OTUB1: variants seen among roughly 807,000 people sequenced by gnomAD.
OTUB1 encodes the protein OTU deubiquitinase, ubiquitin aldehyde binding 1.
A neutral mutation model predicts 35.8 loss-of-function variants in OTUB1; 10 were observed. That is an observed-to-expected ratio of 0.28 (90% CI 0.17 to 0.47). The LOEUF (loss-of-function observed/expected upper bound fraction) is 0.47. Among genes scored for constraint, OTUB1 ranks in the 20% least tolerant of loss-of-function variants. The pLI, the probability that OTUB1 is intolerant of heterozygous loss-of-function variation, is 0.99. For missense variants in OTUB1, 264 were observed against 351.6 expected (o/e 0.75, Z 1.99); for synonymous variants, 158 against 143.8 (o/e 1.10, Z -0.71).
chr11:63,988,695 C>T lies in OTUB1; in HGVS notation c.162C>T (p.Leu54=), dbSNP rs1942642765. 3 of 1,613,300 alleles carry T rather than the reference C, an allele frequency of 1.9e-6. No individual in the cohort carries two copies. The highest frequency in any genetic ancestry group is 1.7e-5 in the Admixed American group (1 of 59,990). ...CTCTGGTGTCAGAGCGGCTGGAGCT[C>T]TCGGTCCTATACAAGGAGTATGCTG... ...QNPLVSERLE[L]SVLYKEYAED... Residue 54 remains leucine, a synonymous_variant, in exon 3 of 7, where the codon CTC becomes CTT. Transcript: ENST00000538426.
At position 63,988,257 on chromosome 11, in the gene OTUB1, T is replaced by TGCTCTTGTCCCTGGCCC. The variant is rs1942638703; in HGVS notation, c.59-79_59-63dup. On this transcript the variant is annotated intron_variant, in intron 1 of 6. Coordinates refer to ENST00000538426, the MANE Select transcript of OTUB1 (RefSeq NM_017670.3). ...TAAGCCTGTCTTCCTGACCCTGGGC[T>TGCTCTTGTCCCTGGCCC]GCTCTTGTCCCTGGCCCAGCTGCCT... 4 of 1,152,142 alleles carry TGCTCTTGTCCCTGGCCC rather than the reference T, an allele frequency of 3.5e-6. No individual in the cohort carries two copies. In the East Asian group the frequency reaches 1.0e-4, roughly 30 times the overall value. 71.4% of individuals were successfully genotyped at this position (1,152,142 alleles called of 1,614,324 possible).
chr11:63,986,446 G>C lies in OTUB1; in HGVS notation c.-11G>C, dbSNP rs1271071318. ...ACCCGGAAGCGGTCGGTAGTGCGGC[G>C]CTGTTTAAAGATGGCGGCGGAGGAA... On this transcript the variant is annotated 5_prime_UTR_variant, in exon 1 of 7. Coordinates refer to ENST00000538426, the MANE Select transcript of OTUB1 (RefSeq NM_017670.3). 3.9e-6 allele frequency: 6 copies of C among 1,553,524 alleles called. No homozygotes were observed. Among genetic ancestry groups the C allele is most frequent in the Non-Finnish European group, 5.2e-6 (6 of 1,148,502 alleles).
intron 1 of OTUB1, among the ~76,000 whole-genome samples, chr11:63,987,437 A>T (rs1942631490): frequency 6.6e-6 from 1 of 152,214 alleles, no homozygotes; most frequent in Non-Finnish European, 1.5e-5. Context: ...AGCTGCTCAC[A>T]GTGGGGTCCA....
Position 63,996,553 on chromosome 11 carries a change from C to T in OTUB1, c.243C>T (p.Tyr81=), listed in dbSNP as rs1942718708. ...AGGACCTCCACAAAAAGTACTCGTA[C>T]ATCCGCAAGACCAGGCCTGACGGCA... is the stretch of plus-strand genomic sequence containing the variant. ...KIKDLHKKYS[Y]IRKTRPDGNC... The change falls in exon 4 of 7, where the codon TAC becomes TAT. Residue 81 remains tyrosine, a synonymous_variant. Transcript: ENST00000538426. 1 of 1,614,226 alleles carries T rather than the reference C, an allele frequency of 6.2e-7. No homozygotes were observed. Among genetic ancestry groups the T allele is most frequent in the Non-Finnish European group, 8.5e-7 (1 of 1,180,024 alleles).
In OTUB1 at chr11:63,997,689, G is replaced by A; in HGVS notation, c.*143G>A. ...CCCCCCCCCATGTTTTATTAAAGGG[G>A]GTGCTGGTGGTGAGCCGTGTGTGCG... On this transcript the variant is annotated 3_prime_UTR_variant, in exon 7 of 7. Transcript: ENST00000538426. The A allele has an allele frequency of 1.3e-6, 1 of 742,358 alleles. No individual in the cohort carries two copies. The highest frequency in any genetic ancestry group is 2.4e-6 in the Non-Finnish European group (1 of 420,998). The allele number at this position is 742,358 out of a possible 1,614,324, so 46.0% of individuals were successfully genotyped here.
intron 1 of OTUB1, among the ~76,000 whole-genome samples, chr11:63,987,624 C>A (rs921201603): frequency 6.6e-6 from 1 of 152,200 alleles, no homozygotes; most frequent in Non-Finnish European, 1.5e-5. Context: ...TGGGTTTGAC[C>A]GCAGGTCTTT....
At chr11:63,988,843 C>G (rs2056053052) in intron 3 of OTUB1, 91 bp downstream of exon 3, 1 of 802,346 alleles carries the variant, frequency 1.2e-6, no homozygotes, top group Admixed American at 1.8e-5. Context: ...GGTCTGTCAC[C>G]TGAGGGAGTA....
At chr11:63,990,597 A>ATAAAT (rs1555002838) in intron 3 of OTUB1, 23 of 144,898 alleles carry the variant, frequency 1.6e-4, no homozygotes, top group Admixed American at 2.7e-4. Flanking sequence ...AAAAAATAAA[A>ATAAAT]AAATAAATAA....
At chr11:63,994,713 A>G (rs781305275) in intron 3 of OTUB1, among the ~76,000 whole-genome samples, 1 of 152,240 alleles carries the variant, frequency 6.6e-6, no homozygotes, top group Non-Finnish European at 1.5e-5. Context: ...GGAGGCATCT[A>G]GGCAGGGCCA....
At position 63,997,510 on chromosome 11, in the gene OTUB1, C is replaced by G. The variant is rs1055065893; in HGVS notation, c.780C>G (p.Leu260=). The G allele has an allele frequency of 6.2e-7, 1 of 1,614,136 alleles. No individual in the cohort carries two copies. The highest frequency in any genetic ancestry group is 1.1e-5 in the South Asian group (1 of 91,086). Residue 260 remains leucine (L), a synonymous_variant, in exon 7 of 7, where the codon CTC becomes CTG. Transcript: ENST00000538426. ...GCTCCGAGCCCAAGGTCTACCTTCT[C>G]TACCGGCCTGGACACTACGATATCC... ...PEGSEPKVYL[L]YRPGHYDILY... is the part of the protein sequence containing the mutation.
At chr11:63,993,795 A>C (rs1237043023) in intron 3 of OTUB1, among the ~76,000 whole-genome samples, 1 of 152,040 alleles carries the variant, frequency 6.6e-6, no homozygotes, top group Non-Finnish European at 1.5e-5. Context: ...TTGGCCTCCC[A>C]AAACACTGGG....
At chr11:63,990,489 T>C (rs1033504076) in intron 3 of OTUB1, 1 of 151,604 alleles carries the variant, frequency 6.6e-6, no homozygotes, top group Non-Finnish European at 1.5e-5. Flanking sequence ...TCCCAGCTAC[T>C]CAAGAGGCTG....
At chr11:63,996,333 G>C (rs912952086) in intron 3 of OTUB1, among the ~76,000 whole-genome samples, 197 bp from the exon 4 acceptor site, 2 of 152,322 alleles carry the variant, frequency 1.3e-5, no homozygotes, top group African/African-American at 4.8e-5. Context: ...GCTTCCTGCC[G>C]TCTTTTGGGA....
intron 3 of OTUB1, among the ~76,000 whole-genome samples, chr11:63,993,068 A>T (rs1427369508): frequency 1.3e-5 from 2 of 152,266 alleles, no homozygotes; most frequent in African/African-American, 2.4e-5. Context: ...AGACTTGTGC[A>T]GTAAAATCTG....
chr11:63,997,672 C>CCA lies in OTUB1; in HGVS notation c.*126_*127insCA, dbSNP rs372981070. ...TTCTTCCTGTCACATGACCCCCCCC[C>CCA]ATGTTTTATTAAAGGGGGTGCTGGT... On this transcript the variant is annotated 3_prime_UTR_variant, in exon 7 of 7. Coordinates refer to ENST00000538426, the MANE Select transcript of OTUB1 (RefSeq NM_017670.3). 16 of 790,430 alleles carry CCA rather than the reference C, an allele frequency of 2.0e-5. No individual in the cohort carries two copies. In the South Asian group the frequency reaches 2.3e-4, roughly 11 times the overall value. 49.0% of individuals were successfully genotyped at this position (790,430 alleles called of 1,614,324 possible).
At chr11:63,991,238 TGAA>T (rs1942670050) in intron 3 of OTUB1, among the ~76,000 whole-genome samples, 1 of 152,052 alleles carries the variant, frequency 6.6e-6, no homozygotes, top group African/African-American at 2.4e-5. Context: ...TTGTGAGGGT[TGAA>T]GGAGATGTTA....
At chr11:63,995,909 A>G (rs1005623879) in intron 3 of OTUB1, among the ~76,000 whole-genome samples, 13 of 152,066 alleles carry the variant, frequency 8.5e-5, no homozygotes, top group Non-Finnish European at 1.6e-4. Context: ...TGGGAGGCTG[A>G]GGCAGGGGAA....
chr11:63,990,676 T>C (rs1054553273), intron 3 of OTUB1: 1 of 152,076 alleles, frequency 6.6e-6, no homozygotes, highest in Admixed American at 6.6e-5. Context: ...TGTAGGTGTT[T>C]AGTAAATGTT....
chr11:63,995,423 C>T (rs1484663692), intron 3 of OTUB1, among the ~76,000 whole-genome samples: 4 of 151,840 alleles, frequency 2.6e-5, no homozygotes, highest in African/African-American at 9.7e-5. Context: ...CTCGAACTCC[C>T]GACCTCAGGT....
Sources: gnomAD v4.1 joint callset for allele counts (sites outside exome capture counted in the v4.1 genomes callset) on GRCh38, gnomAD v4.1.1 for gene constraint, MANE v1.5 for transcripts, NCBI Gene and HGNC (gene_info 2026-07-23, HGNC 2026-07-21) for gene names.